The following SOX6 variants were observed in gnomAD, a reference collection of about 807,000 sequenced individuals.
The protein encoded by SOX6 is transcription factor SOX-6.
Under a neutral mutation model 97.8 loss-of-function variants are expected in SOX6, and 11 were observed. That is an observed-to-expected ratio of 0.11 (90% CI 0.07 to 0.19). SOX6 has a LOEUF of 0.19. Among genes scored for constraint, SOX6 ranks in the 10% least tolerant of loss-of-function variants. SOX6 has a pLI of 1.00. For synonymous variants in SOX6, 360 were observed against 371.4 expected (o/e 0.97, Z 0.35); for missense variants, 810 against 1,039.5 (o/e 0.78, Z 3.04).
intron 3 of SOX6, among the ~76,000 whole-genome samples, chr11:16,612,904 C>G (rs1848416921): frequency 6.6e-6 from 1 of 152,104 alleles, no homozygotes; most frequent in South Asian, 2.1e-4. Flanking sequence ...CATGCCATCC[C>G]CACGCACCCT....
chr11:16,378,700 G>A (rs1446409955), intron 1 of SOX6, among the ~76,000 whole-genome samples: 1 of 151,690 alleles, frequency 6.6e-6, no homozygotes, highest in Admixed American at 6.6e-5. Context: ...ATGTTAGATA[G>A]GAAAGACATT....
Position 16,442,211 on chromosome 11 carries a change from A to C in SOX6, c.-5+34104T>G, listed in dbSNP as rs895087474. ...TTGGTGGAAAACTTTTCAACTTGTA[A>C]AGCACATCATGCTCTCTATAATCTG... On this transcript the variant is annotated intron_variant, in intron 1 of 15. Transcript: ENST00000396356. Among the ~76,000 whole-genome samples, 9 of 152,196 alleles carry C rather than the reference A, an allele frequency of 5.9e-5. No homozygotes were observed. In the South Asian group the frequency reaches 6.2e-4, roughly 10 times the overall value.
At chr11:16,360,746 G>A (rs1857192020), upstream of SOX6, among the ~76,000 whole-genome samples, 1 of 152,152 alleles carries the variant, frequency 6.6e-6, no homozygotes, top group African/African-American at 2.4e-5. Flanking sequence ...GCTCACGCCT[G>A]TAATCCCAGG....
intron 1 of SOX6, among the ~76,000 whole-genome samples, chr11:16,368,440 C>T (rs1199319401): frequency 1.3e-5 from 2 of 152,064 alleles, no homozygotes; most frequent in Admixed American, 6.6e-5. Context: ...CGCAATCTCA[C>T]CACTGCACTC....
At chr11:16,389,761 G>T (rs1297424442) in intron 1 of SOX6, among the ~76,000 whole-genome samples, 3 of 151,664 alleles carry the variant, frequency 2.0e-5, no homozygotes, top group East Asian at 2.0e-4. Context: ...GAAGTCGGGG[G>T]ATCGAGACCA....
intron 1 of SOX6, chr11:16,402,686 C>G: frequency 6.2e-7 from 1 of 1,611,058 alleles, no homozygotes; most frequent in African/African-American, 1.3e-5. Context: ...CTTCCTCCAC[C>G]CACTCCTGTT....
upstream of SOX6, among the ~76,000 whole-genome samples, chr11:16,359,019 T>C (rs1363075838): frequency 6.6e-6 from 1 of 152,046 alleles, no homozygotes; most frequent in Non-Finnish European, 1.5e-5. Flanking sequence ...TAGTCCACAG[T>C]CTAGCAAGAA....
At chr11:16,573,735 T>C (rs1847958754) in intron 4 of SOX6, among the ~76,000 whole-genome samples, 1 of 152,210 alleles carries the variant, frequency 6.6e-6, no homozygotes, top group South Asian at 2.1e-4. Context: ...TTTCCAGACT[T>C]GTGTAACACT....
chr11:16,383,828 T>C (rs900164350), intron 1 of SOX6, among the ~76,000 whole-genome samples: 1 of 151,842 alleles, frequency 6.6e-6, no homozygotes, highest in African/African-American at 2.4e-5. Flanking sequence ...TAAAAGAGTA[T>C]GGGAGGAGGA....
chr11:16,505,892 T>A (rs1348294173), intron 4 of SOX6, among the ~76,000 whole-genome samples: 4 of 152,032 alleles, frequency 2.6e-5, no homozygotes, highest in African/African-American at 9.7e-5. Context: ...AGGGCAAGAG[T>A]TGAGGCTTGG....
At chr11:16,477,589 G>A (rs535684668), upstream of SOX6, among the ~76,000 whole-genome samples, 67 of 152,264 alleles carry the variant, frequency 4.4e-4, 1 homozygote, top group South Asian at 2.1e-3. Flanking sequence ...AGTGGCTCAC[G>A]CCTGTAATCC....
At chr11:16,579,541 T>G (rs1432765941) in intron 4 of SOX6, among the ~76,000 whole-genome samples, 1 of 152,116 alleles carries the variant, frequency 6.6e-6, no homozygotes, top group African/African-American at 2.4e-5. Context: ...ATACTCTACC[T>G]TCTACCTTCC....
At chr11:16,468,568 A>C (rs1184974035) in intron 1 of SOX6, among the ~76,000 whole-genome samples, 5 of 152,150 alleles carry the variant, frequency 3.3e-5, no homozygotes, top group African/African-American at 9.6e-5. Context: ...TTCTTTAATA[A>C]GTCAGCTTCT....
intron 4 of SOX6, among the ~76,000 whole-genome samples, chr11:16,562,493 T>G (rs1243087643): frequency 7.2e-5 from 11 of 152,148 alleles, no homozygotes; most frequent in Non-Finnish European, 1.3e-4. Flanking sequence ...AGACACTATC[T>G]TTTCTAACTC....
intron 4 of SOX6, among the ~76,000 whole-genome samples, chr11:16,199,085 C>A (rs1851864752): frequency 6.6e-6 from 1 of 152,132 alleles, no homozygotes; most frequent in African/African-American, 2.4e-5. Context: ...ATAATTAGTT[C>A]TCAGAATAGT....
chr11:16,041,393 A>G (rs1166100278), intron 12 of SOX6, among the ~76,000 whole-genome samples: 2 of 152,074 alleles, frequency 1.3e-5, no homozygotes, highest in Non-Finnish European at 2.9e-5. Flanking sequence ...TTCTTTTCCA[A>G]TAAAAGGGGG....
intron 3 of SOX6, among the ~76,000 whole-genome samples, chr11:16,645,428 A>G (rs1438121661): frequency 2.6e-5 from 4 of 152,166 alleles, no homozygotes; most frequent in Non-Finnish European, 5.9e-5. Context: ...CAATTTATGT[A>G]TTAGTGTTAT....
At chr11:16,351,611 C>T (rs1856948944) in intron 1 of SOX6, among the ~76,000 whole-genome samples, 1 of 152,068 alleles carries the variant, frequency 6.6e-6, no homozygotes, top group Admixed American at 6.6e-5. Context: ...AATCTTTATA[C>T]ATTTATCTTC....
chr11:16,706,471 A>AATATAT (rs1157835806), intron 3 of SOX6, among the ~76,000 whole-genome samples: 32 of 22,252 alleles, frequency 1.4e-3, no homozygotes, highest in Non-Finnish European at 1.9e-3. Flanking sequence ...AAAAAAAAAA[A>AATATAT]ATATATATAT....
Sources: allele counts gnomAD v4.1 joint callset (sites outside exome capture counted in the v4.1 genomes callset), GRCh38; gene constraint gnomAD v4.1.1; transcripts MANE v1.5; gene names NCBI Gene and HGNC (gene_info 2026-07-23, HGNC 2026-07-21).